Variants in EIPR1 observed in about 807,000 individuals in gnomAD.
The protein encoded by EIPR1 is EARP complex and GARP complex interacting protein 1, also known as EARP and GARP complex-interacting protein 1.
A neutral mutation model predicts 48.1 loss-of-function variants in EIPR1; 25 were observed. The ratio of observed to expected loss-of-function variants is 0.52; its 90% CI spans 0.38 to 0.73. EIPR1 has a LOEUF of 0.73. Ranked by LOEUF, EIPR1 falls within the 30% of genes least tolerant of loss-of-function variation. EIPR1 has a pLI of 0.00. For synonymous variants in EIPR1, 204 were observed against 201.9 expected, an observed-to-expected ratio of 1.01 and a Z score of -0.09; for missense variants, 415 against 506.2, an observed-to-expected ratio of 0.82 and a Z score of 1.73.
intron 4 of EIPR1, among the ~76,000 whole-genome samples, chr2:3,233,192 T>A (rs1229371362): frequency 6.6e-6 from 1 of 152,042 alleles, no homozygotes; most frequent in Non-Finnish European, 1.5e-5. Context: ...AGGCTATTAA[T>A]GTTATTCTGC....
At chr2:3,191,757 C>T (rs1003141447) in intron 8 of EIPR1, among the ~76,000 whole-genome samples, 3 of 152,220 alleles carry the variant, frequency 2.0e-5, no homozygotes, top group African/African-American at 4.8e-5. Context: ...TGACCAGAGG[C>T]GGGCATGAAG....
chr2:3,323,565 C>T (rs148548500), intron 3 of EIPR1, among the ~76,000 whole-genome samples: 2 of 152,226 alleles, frequency 1.3e-5, no homozygotes, highest in African/African-American at 2.4e-5. Context: ...CCTCAGCCAA[C>T]GTTCGCCGTG....
chr2:3,231,609 G>C (rs1390786788), intron 4 of EIPR1, among the ~76,000 whole-genome samples: 1 of 152,122 alleles, frequency 6.6e-6, no homozygotes, highest in Non-Finnish European at 1.5e-5. Context: ...TATGGTTTTT[G>C]TCTATTTTGT....
chr2:3,341,946 C>T (rs1053920450), intron 2 of EIPR1, among the ~76,000 whole-genome samples: 37 of 152,258 alleles, frequency 2.4e-4, no homozygotes, highest in African/African-American at 8.9e-4. Flanking sequence ...AGAATTTCAT[C>T]ATACTAATTA....
At chr2:3,345,568 T>G (rs1312309109) in intron 2 of EIPR1, among the ~76,000 whole-genome samples, 1 of 151,490 alleles carries the variant, frequency 6.6e-6, no homozygotes, top group Non-Finnish European at 1.5e-5. Context: ...GAGGTTTTAG[T>G]AAGCTGAGGT....
At chr2:3,281,390 T>C (rs1172667264) in intron 3 of EIPR1, among the ~76,000 whole-genome samples, 1 of 152,088 alleles carries the variant, frequency 6.6e-6, no homozygotes. Flanking sequence ...GAAGTCTTCA[T>C]TATGAAAGGT....
intron 3 of EIPR1, among the ~76,000 whole-genome samples, chr2:3,299,603 T>TCTC (rs1668704688): frequency 6.9e-6 from 1 of 145,282 alleles, no homozygotes; most frequent in African/African-American, 2.6e-5. Context: ...GGAAAATATT[T>TCTC]TCTCTCTCTC....
At chr2:3,205,951 T>C (rs2103122340) in intron 5 of EIPR1, among the ~76,000 whole-genome samples, 1 of 152,292 alleles carries the variant, frequency 6.6e-6, no homozygotes, top group Non-Finnish European at 1.5e-5. Context: ...TTACTATGAC[T>C]CAAAAAACAG....
At chr2:3,244,827 G>A (rs546175529) in intron 4 of EIPR1, among the ~76,000 whole-genome samples, 4 of 152,214 alleles carry the variant, frequency 2.6e-5, no homozygotes, top group South Asian at 2.1e-4. Flanking sequence ...TGAGCCATTC[G>A]CCTGGACACA....
intron 3 of EIPR1, among the ~76,000 whole-genome samples, chr2:3,326,084 TG>T (rs1669689563): frequency 6.6e-6 from 1 of 152,156 alleles, no homozygotes; most frequent in Non-Finnish European, 1.5e-5. Context: ...CCCCCTCTCC[TG>T]GGGGTAAGGG....
chr2:3,333,577 A>G (rs1489645747), intron 3 of EIPR1, among the ~76,000 whole-genome samples: 1 of 152,018 alleles, frequency 6.6e-6, no homozygotes, highest in Non-Finnish European at 1.5e-5. Flanking sequence ...TCTCTACTAG[A>G]AATTTTTTTA....
intron 3 of EIPR1, among the ~76,000 whole-genome samples, chr2:3,330,859 C>T (rs1055619213): frequency 1.3e-5 from 2 of 149,818 alleles, no homozygotes; most frequent in Non-Finnish European, 3.0e-5. Context: ...CAGGTGCACA[C>T]ACTCATGAGA....
At chr2:3,226,561 T>C (rs1400417362) in intron 4 of EIPR1, among the ~76,000 whole-genome samples, 1 of 152,262 alleles carries the variant, frequency 6.6e-6, no homozygotes, top group South Asian at 2.1e-4. Context: ...CTCTGTACGC[T>C]GCCTTTTCAT....
At chr2:3,267,219 C>A (rs1036972390) in intron 3 of EIPR1, among the ~76,000 whole-genome samples, 1 of 152,318 alleles carries the variant, frequency 6.6e-6, no homozygotes, top group South Asian at 2.1e-4. Context: ...ACTGGCAGGA[C>A]GACCACAGAG....
intron 3 of EIPR1, among the ~76,000 whole-genome samples, chr2:3,305,412 C>T (rs907174847): frequency 6.6e-6 from 1 of 151,154 alleles, no homozygotes; most frequent in African/African-American, 2.4e-5. Context: ...CCCTCCAATC[C>T]CATCTAGTTC....
intron 3 of EIPR1, among the ~76,000 whole-genome samples, chr2:3,316,218 G>C (rs1448739362): frequency 7.0e-5 from 10 of 142,522 alleles, no homozygotes; most frequent in Non-Finnish European, 1.5e-4. Context: ...TTCCACCACT[G>C]TTATCGCCAC....
In EIPR1 at chr2:3,290,941, G is replaced by A. The variant is rs189837949; in HGVS notation, c.260-33486C>T. On this transcript the variant is annotated intron_variant, in intron 3 of 8. Coordinates refer to ENST00000382125, the MANE Select transcript of EIPR1 (RefSeq NM_003310.5). ...TGGTGCTCCAGGCCAGGCCAGGACTGAGAGAAAGAGGCCAGAGTGGGATGG... is the reference window on the plus strand; with the variant it reads ...TGGTGCTCCAGGCCAGGCCAGGACTAAGAGAAAGAGGCCAGAGTGGGATGG... Among the ~76,000 whole-genome samples, 65 of 152,346 alleles carry A rather than the reference G, an allele frequency of 4.3e-4. 1 individual carries two copies. The East Asian group carries it at 0.013, about 29-fold the overall frequency.
intron 5 of EIPR1, among the ~76,000 whole-genome samples, chr2:3,205,818 G>T (rs1019449183): frequency 6.6e-6 from 1 of 152,150 alleles, no homozygotes; most frequent in Non-Finnish European, 1.5e-5. Flanking sequence ...TATAACTCAC[G>T]CACGTGACAA....
chr2:3,208,657 A>G (rs774261648), intron 5 of EIPR1: 1 of 1,550,562 alleles, frequency 6.4e-7, no homozygotes, highest in South Asian at 1.2e-5. Flanking sequence ...CATATGGCTG[A>G]CTTCTTGCAG....
Sources: gnomAD v4.1 joint callset for allele counts (sites outside exome capture counted in the v4.1 genomes callset) on GRCh38, gnomAD v4.1.1 for gene constraint, MANE v1.5 for transcripts, NCBI Gene and HGNC (gene_info 2026-07-23, HGNC 2026-07-21) for gene names.